The following CACHD1 variants were observed in gnomAD, a reference collection of about 807,000 sequenced individuals.
CACHD1 encodes the protein VWFA and cache domain-containing protein 1.
In CACHD1, 71 loss-of-function variants were observed where a neutral mutation model predicts 138.7. The ratio of observed to expected loss-of-function variants is 0.51; its 90% CI spans 0.42 to 0.62. The LOEUF is 0.62. Ranked by LOEUF, CACHD1 falls within the 20% of genes least tolerant of loss-of-function variation. The pLI is 0.00. For synonymous variants in CACHD1, 578 were observed against 591.5 expected (o/e 0.98, Z 0.33); for missense variants, 1,389 against 1,625.3 (o/e 0.85, Z 2.50).
intron 1 of CACHD1, among the ~76,000 whole-genome samples, chr1:64,509,838 G>A (rs376218757): frequency 3.7e-4 from 57 of 152,178 alleles, no homozygotes; most frequent in South Asian, 3.7e-3. Flanking sequence ...ATTCTCAAAC[G>A]AATACTCCTA....
At chr1:64,645,728 G>A (rs931032678) in intron 8 of CACHD1, among the ~76,000 whole-genome samples, 1 of 152,106 alleles carries the variant, frequency 6.6e-6, no homozygotes, top group Non-Finnish European at 1.5e-5. Flanking sequence ...CCCCGTGCAT[G>A]CTCAGTGAAG....
At chr1:64,675,833 G>A in intron 20 of CACHD1, 64 bp from the exon 21 acceptor site, 1 of 1,094,080 alleles carries the variant, frequency 9.1e-7, no homozygotes, top group South Asian at 1.6e-5. Flanking sequence ...TGCTTCCCCA[G>A]CACATGTACA....
intron 4 of CACHD1, chr1:64,613,592 G>C (rs1263479375): frequency 6.6e-6 from 1 of 152,014 alleles, no homozygotes; most frequent in African/African-American, 2.4e-5. Flanking sequence ...CTACAGTTTT[G>C]CTTGACTATT....
chr1:64,531,226 T>TG (rs1646582763), intron 1 of CACHD1, among the ~76,000 whole-genome samples: 1 of 152,232 alleles, frequency 6.6e-6, no homozygotes, highest in African/African-American at 2.4e-5. Context: ...GTCTGTAAGT[T>TG]GGACAGTTTC....
In CACHD1 at chr1:64,564,387, C is replaced by A. The variant is rs143761802; in HGVS notation, c.261+13731C>A. On this transcript the variant is annotated intron_variant, in intron 2 of 26. Coordinates refer to ENST00000651257, the MANE Select transcript of CACHD1 (RefSeq NM_020925.4). ...CCTCCCATAACTTGTGTCGCCACCC[C>A]CTTCCCCAGAAGCCCCAAGCCCTGA... is the stretch of plus-strand genomic sequence containing the variant. Among the ~76,000 whole-genome samples, 15 of 152,278 alleles carry A rather than the reference C, an allele frequency of 9.9e-5. No individual in the cohort carries two copies. In the East Asian group the frequency reaches 2.7e-3, roughly 27 times the overall value.
chr1:64,634,855 G>A (rs180682135), intron 7 of CACHD1, among the ~76,000 whole-genome samples: 1 of 151,984 alleles, frequency 6.6e-6, no homozygotes, highest in Non-Finnish European at 1.5e-5. Flanking sequence ...AATTAGGCAG[G>A]CATGGTGGTG....
chr1:64,568,800 C>T (rs1054469471), intron 2 of CACHD1, among the ~76,000 whole-genome samples: 23 of 152,186 alleles, frequency 1.5e-4, no homozygotes, highest in Admixed American at 1.3e-3. Flanking sequence ...TGTGTATGCA[C>T]ATGTTTTATG....
At chr1:64,598,329 C>A (rs1647175627) in intron 3 of CACHD1, among the ~76,000 whole-genome samples, 1 of 152,196 alleles carries the variant, frequency 6.6e-6, no homozygotes, top group Admixed American at 6.5e-5. Context: ...TTCATGCTAA[C>A]TTGACTGGCG....
At chr1:64,485,144 T>G (rs1380723548) in intron 1 of CACHD1, among the ~76,000 whole-genome samples, 1 of 152,246 alleles carries the variant, frequency 6.6e-6, no homozygotes, top group African/African-American at 2.4e-5. Context: ...TTTTTGTTTG[T>G]TTGGTTTATT....
At chr1:64,643,611 C>T (rs113308662) in intron 8 of CACHD1, among the ~76,000 whole-genome samples, 10,308 of 152,136 alleles carry the variant, frequency 0.068, 454 homozygotes, top group East Asian at 0.23. Context: ...CCAAGGCGGG[C>T]GGATCACGAG....
At chr1:64,599,395 C>T (rs187637213) in intron 3 of CACHD1, among the ~76,000 whole-genome samples, 2 of 152,084 alleles carry the variant, frequency 1.3e-5, no homozygotes, top group East Asian at 3.9e-4. Context: ...AGGAAGGACT[C>T]ATCATGGGCC....
At chr1:64,495,876 C>T (rs1570304766) in intron 1 of CACHD1, among the ~76,000 whole-genome samples, 1 of 151,966 alleles carries the variant, frequency 6.6e-6, no homozygotes, top group East Asian at 1.9e-4. Context: ...AGAAATACAA[C>T]AAAAGTTGGA....
intron 1 of CACHD1, among the ~76,000 whole-genome samples, chr1:64,484,065 C>G (rs1646227410): frequency 6.6e-6 from 1 of 152,146 alleles, no homozygotes; most frequent in African/African-American, 2.4e-5. Context: ...CCCCTAACCT[C>G]TCACAGGTAA....
chr1:64,515,348 C>G (rs1646451053), intron 1 of CACHD1, among the ~76,000 whole-genome samples: 1 of 152,112 alleles, frequency 6.6e-6, no homozygotes, highest in African/African-American at 2.4e-5. Context: ...AGAAATAATA[C>G]AAACCCTACT....
At chr1:64,550,420 A>T (rs1292804021) in intron 1 of CACHD1, among the ~76,000 whole-genome samples, 174 bp from the exon 2 acceptor site, 1 of 152,194 alleles carries the variant, frequency 6.6e-6, no homozygotes, top group Non-Finnish European at 1.5e-5. Context: ...TATTGCTTAC[A>T]TAAGTGTGAT....
rs759578725 is a variant in CACHD1 at position 64,673,261 on chromosome 1, T to C, written c.2610+4T>C. ...GCAGCAGCACATCACCCACAAGGTA[T>C]TTGTCACAAAGCTGAGCTGCTCAGT... is the stretch of plus-strand genomic sequence containing the variant. On this transcript the variant is annotated splice_donor_region_variant and intron_variant, in intron 18 of 26. Transcript: ENST00000651257. 2 of 1,613,924 alleles carry C rather than the reference T, an allele frequency of 1.2e-6. No individual in the cohort carries two copies. The highest frequency in any genetic ancestry group is 1.7e-6 in the Non-Finnish European group (2 of 1,179,954).
At chr1:64,640,892 G>GAT (rs1553142131) in intron 7 of CACHD1, among the ~76,000 whole-genome samples, 1 of 150,254 alleles carries the variant, frequency 6.7e-6, no homozygotes, top group Non-Finnish European at 1.5e-5. Context: ...AATCACCTTT[G>GAT]TTTTTTTTTA....
chr1:64,474,678 G>C (rs1367918837), intron 1 of CACHD1, among the ~76,000 whole-genome samples: 1 of 152,240 alleles, frequency 6.6e-6, no homozygotes, highest in Non-Finnish European at 1.5e-5. Flanking sequence ...AGATTGCACA[G>C]GTAAACCAGC....
In CACHD1 at chr1:64,676,889, G is replaced by T; in HGVS notation, c.2976-6G>T. The T allele has an allele frequency of 6.2e-7, 1 of 1,612,278 alleles. No individual in the cohort carries two copies. Among genetic ancestry groups the T allele is most frequent in the South Asian group, 1.1e-5 (1 of 90,918 alleles). ...GTCTTAACCTCCAGACTTACCTCCT[G>T]CACAGAAACCCCAGCTGCGAGGTCC... On this transcript the variant is annotated splice_polypyrimidine_tract_variant and splice_region_variant and intron_variant, in intron 21 of 26. Coordinates refer to ENST00000651257, the MANE Select transcript of CACHD1 (RefSeq NM_020925.4).
Sources: gnomAD v4.1 joint callset for allele counts (sites outside exome capture counted in the v4.1 genomes callset) on GRCh38, gnomAD v4.1.1 for gene constraint, MANE v1.5 for transcripts, NCBI Gene and HGNC (gene_info 2026-07-23, HGNC 2026-07-21) for gene names.